Variants in TDRD6 observed in about 807,000 individuals in gnomAD.
TDRD6 encodes tudor domain containing 6, also known as tudor domain-containing protein 6.
TDRD6 carries 186 observed loss-of-function variants against 157.5 expected under a neutral mutation model. The observed-to-expected ratio is 1.18, with a 90% CI of 1.05 to 1.33. The LOEUF (loss-of-function observed/expected upper bound fraction) is 1.33. Ranked by LOEUF, TDRD6 falls within the 40% of genes most tolerant of loss-of-function variation. The probability of loss-of-function intolerance (pLI) is 0.00; values close to 1 mark genes in which losing one functional copy is unlikely to be tolerated. For missense variants in TDRD6, 3,066 were observed against 2,508.0 expected (o/e 1.22, Z -4.75); for synonymous variants, 1,075 against 945.2 (o/e 1.14, Z -2.52).
At position 46,702,749 on chromosome 6, in the gene TDRD6, T is replaced by C. The variant is rs1764654482; in HGVS notation, c.*862T>C. ...TACCTAACTTTGAAGCCCATGACTT[T>C]TTAAACATGATTTTGCAAAGCATAG... is the stretch of plus-strand genomic sequence containing the variant. On this transcript the variant is annotated 3_prime_UTR_variant, in exon 4 of 4. Transcript: ENST00000316081. The C allele has an allele frequency of 6.6e-6, 1 of 152,148 alleles. No individual in the cohort carries two copies. The highest frequency in any genetic ancestry group is 1.5e-5 in the Non-Finnish European group (1 of 67,998). The allele number at this position is 152,148 out of a possible 1,614,324, so 9.4% of individuals were successfully genotyped here.
Position 46,703,586 on chromosome 6 carries a change from G to C in TDRD6, c.*1699G>C, listed in dbSNP as rs1764676347. 6.6e-6 allele frequency: 1 copy of C among 152,040 alleles called. No individual in the cohort carries two copies. The highest frequency in any genetic ancestry group is 2.4e-5 in the African/African-American group (1 of 41,442). 9.4% of individuals were successfully genotyped at this position (152,040 alleles called of 1,614,324 possible). On this transcript the variant is annotated 3_prime_UTR_variant, in exon 4 of 4. Transcript: ENST00000316081. ...AAGATAGGACTAGGGTACCAAATGA[G>C]TGGTATAAATTTTTATGTCCCCTGG...
chr6:46,695,082 A>G (rs1764457218), intron 1 of TDRD6, among the ~76,000 whole-genome samples: 1 of 152,162 alleles, frequency 6.6e-6, no homozygotes, highest in Non-Finnish European at 1.5e-5. Context: ...TTAGCTTTTT[A>G]TAATCAATGC....
the TDRD6 span, among the ~76,000 whole-genome samples, chr6:46,682,510 A>C: frequency 1.3e-4 from 19 of 151,928 alleles, no homozygotes; most frequent in Non-Finnish European, 2.8e-4. Flanking sequence ...AAAGGAAATA[A>C]AAGGCACATA....
rs771037269 is a variant in TDRD6 at position 46,689,630 on chromosome 6, A to C, written c.1502A>C (p.Glu501Ala). ...GTAGAGTTTGTTAAAAATCCTTCTG[A>C]GTTTTGGATTAGGTTGAGGAAACAC... ...AQVEFVKNPS[E>A]FWIRLRKHNV... Residue 501 changes from glutamate (E) to alanine (A), a missense_variant, in exon 1 of 4, where the codon GAG becomes GCG. By Grantham distance (107) the Glu-to-Ala change is moderately radical (BLOSUM62 -1). Transcript: ENST00000316081. The C allele has an allele frequency of 1.9e-6, 3 of 1,614,146 alleles. No individual in the cohort carries two copies. Among genetic ancestry groups the C allele is most frequent in the Non-Finnish European group, 2.5e-6 (3 of 1,180,024 alleles).
At position 46,689,200 on chromosome 6, in the gene TDRD6, A is replaced by T; in HGVS notation, c.1072A>T (p.Ser358Cys). Residue 358 changes from serine (S) to cysteine (C), a missense_variant, in exon 1 of 4, where the codon AGC (serine) becomes TGC (cysteine). By Grantham distance (112) the Ser-to-Cys change is moderately radical. Coordinates refer to ENST00000316081, the MANE Select transcript of TDRD6 (RefSeq NM_001010870.3). ...AAGGAAGGAGTTAGTGAGTTGCAGC[A>T]GCCTTCGGTACTTGCTGCCTGAATA... Reference protein sequence around the residue: ...YGRKELVSCSSLRYLLPEYFR... With the variant: ...YGRKELVSCSCLRYLLPEYFR... The T allele has an allele frequency of 6.2e-7, 1 of 1,614,176 alleles. No individual in the cohort carries two copies. The highest frequency in any genetic ancestry group is 8.5e-7 in the Non-Finnish European group (1 of 1,180,038).
chr6:46,688,696 C>G lies in TDRD6; in HGVS notation c.568C>G (p.Gln190Glu), dbSNP rs1415078039. The G allele has an allele frequency of 1.9e-6, 3 of 1,600,656 alleles. No homozygotes were observed. The highest frequency in any genetic ancestry group is 2.5e-6 in the Non-Finnish European group (3 of 1,179,784). ...CCTGGAGGTGCCTGATGTGTTCCAA[C>G]AGATGCGGGAGCTGGGCCTGGCTCG... The part of the protein sequence containing the change: ...VLLEVPDVFQ[Q>E]MRELGLARRV... The change falls in exon 1 of 4, where the codon CAG becomes GAG. Residue 190 changes from glutamine (Q) to glutamate (E), a missense_variant. Transcript: ENST00000316081.
chr6:46,689,982 C>T lies in TDRD6; in HGVS notation c.1854C>T (p.Ser618=). Residue 618 remains serine, a synonymous_variant, in exon 1 of 4, where the codon TCC becomes TCT. Coordinates refer to ENST00000316081, the MANE Select transcript of TDRD6 (RefSeq NM_001010870.3). ...AAACTTGGAGCCAGGAGGCAGTTTC[C>T]TTTTTTAAAAAGACTGTGCTCCACA... is the stretch of plus-strand genomic sequence containing the variant. ...LGKTWSQEAV[S]FFKKTVLHKE... 1 of 1,613,274 alleles carries T rather than the reference C, an allele frequency of 6.2e-7. No homozygotes were observed. The highest frequency in any genetic ancestry group is 8.5e-7 in the Non-Finnish European group (1 of 1,179,686).
chr6:46,692,016 C>G lies in TDRD6; in HGVS notation c.3888C>G (p.Phe1296Leu). ...DKDLPLKFCE[F>L]PQKTIMPGFK... ...ATTTGCCTCTGAAATTTTGTGAGTT[C>G]CCACAGAAGACTATAATGCCTGGAT... Residue 1296 changes from phenylalanine (F) to leucine (L), a missense_variant, in exon 1 of 4, where the codon TTC becomes TTG. Transcript: ENST00000316081. The G allele has an allele frequency of 6.2e-7, 1 of 1,613,762 alleles. No individual in the cohort carries two copies. Among genetic ancestry groups the G allele is most frequent in the South Asian group, 1.1e-5 (1 of 91,002 alleles).
At chr6:46,699,395 G>A (rs1236315476) in intron 3 of TDRD6, among the ~76,000 whole-genome samples, 2 of 152,108 alleles carry the variant, frequency 1.3e-5, no homozygotes, top group Non-Finnish European at 2.9e-5. Context: ...TCTCACATTT[G>A]TAGGTGCCTA....
At position 46,688,200 on chromosome 6, in the gene TDRD6, T is replaced by A. The variant is rs1022110264; in HGVS notation, c.72T>A (p.His24Gln). 1.3e-6 allele frequency: 2 copies of A among 1,546,966 alleles called. No individual in the cohort carries two copies. The highest frequency in any genetic ancestry group is 1.7e-6 in the Non-Finnish European group (2 of 1,152,712). The change falls in exon 1 of 4, where the codon CAT becomes CAA. Residue 24 changes from histidine to glutamine, a missense_variant. By Grantham distance (24) the His-to-Gln change is conservative (BLOSUM62 0). Coordinates refer to ENST00000316081, the MANE Select transcript of TDRD6 (RefSeq NM_001010870.3). ...LALRVSFVDV[H>Q]PDVIPVQLWG... ...TGCGGGTGTCCTTCGTGGACGTGCA[T>A]CCCGATGTGATCCCGGTGCAGCTGT...
In TDRD6 at chr6:46,687,905, G is replaced by T; in HGVS notation, c.-224G>T. 1 of 595,498 alleles carries T rather than the reference G, an allele frequency of 1.7e-6. No individual in the cohort carries two copies. Among genetic ancestry groups the T allele is most frequent in the Non-Finnish European group, 2.6e-6 (1 of 378,012 alleles). The allele number at this position is 595,498 out of a possible 1,614,324, so 36.9% of individuals were successfully genotyped here. A position where few individuals can be genotyped will look rare whatever the true frequency, so the allele number is the denominator to read the frequency against. On this transcript the variant is annotated 5_prime_UTR_variant, in exon 1 of 4. Transcript: ENST00000316081. The stretch of plus-strand genomic sequence containing the variant: ...AATGCGTGCCCGGAAGCGCGACCTC[G>T]GGCGGTTGGAGGGGCTACCGGGTCT...
Position 46,689,891 on chromosome 6 carries a change from C to T in TDRD6, c.1763C>T (p.Pro588Leu), listed in dbSNP as rs148113896. 4.3e-6 allele frequency: 7 copies of T among 1,614,078 alleles called. No individual in the cohort carries two copies. The African/African-American group carries it at 6.7e-5, about 15-fold the overall frequency. The change falls in exon 1 of 4, where the codon CCT becomes CTT. Residue 588 changes from proline (P) to leucine (L), a missense_variant. Pro to Leu is a moderately conservative substitution (Grantham distance 98). Coordinates refer to ENST00000316081, the MANE Select transcript of TDRD6 (RefSeq NM_001010870.3). ...TGGTATGACGTAAGGATGCTGCTTC[C>T]TCAGTTTAGGCAGCTACCAATATTG... ...VDWYDVRMLLPQFRQLPILAV... is the reference protein window; with the variant it reads ...VDWYDVRMLLLQFRQLPILAV...
rs770462418 is a variant in TDRD6 at position 46,691,526 on chromosome 6, C to T, written c.3398C>T (p.Pro1133Leu). 2.0e-5 allele frequency: 32 copies of T among 1,613,690 alleles called. No individual in the cohort carries two copies. Among genetic ancestry groups the T allele is most frequent in the Admixed American group, 3.3e-5 (2 of 59,986 alleles). ...AAGGCTTTAGTTGTAGCAAAAGATCCAGATGGAACACTGATTATAGAACTA... is the reference window on the plus strand; with the variant it reads ...AAGGCTTTAGTTGTAGCAAAAGATCTAGATGGAACACTGATTATAGAACTA... ...SLKALVVAKD[P>L]DGTLIIELYG... The change falls in exon 1 of 4, where the codon CCA becomes CTA. Residue 1133 changes from proline to leucine, a missense_variant. Physicochemically the swap from Pro to Leu is moderately conservative, Grantham distance 98 (BLOSUM62 -3). Transcript: ENST00000316081.
chr6:46,693,759 A>G lies in TDRD6; in HGVS notation c.5631A>G (p.Pro1877=). ...GELSPVPPNV[P]LSQECVTKGA... ...TAAGCCCGGTGCCACCGAATGTGCCACTCTCCCAAGAGTGTGTCACAAAAG... is the reference window on the plus strand; with the variant it reads ...TAAGCCCGGTGCCACCGAATGTGCCGCTCTCCCAAGAGTGTGTCACAAAAG... The change falls in exon 1 of 4, where the codon CCA becomes CCG. Residue 1877 remains proline (P), a synonymous_variant. Transcript: ENST00000316081. 1 of 1,614,022 alleles carries G rather than the reference A, an allele frequency of 6.2e-7. No individual in the cohort carries two copies. The highest frequency in any genetic ancestry group is 8.5e-7 in the Non-Finnish European group (1 of 1,180,006).
chr6:46,692,808 C>G lies in TDRD6; in HGVS notation c.4680C>G (p.Asp1560Glu). ...AGACTGCTGGAGAACAGGTAGCAGA[C>G]AGGAGAAATTGTATCCCATGTCCTT... ...EVQTAGEQVA[D>E]RRNCIPCPYI... is the part of the protein sequence containing the mutation. The change falls in exon 1 of 4, where the codon GAC (aspartate) becomes GAG (glutamate). Residue 1560 changes from aspartate (D) to glutamate (E), a missense_variant. Physicochemically the swap from Asp to Glu is conservative, Grantham distance 45. Coordinates refer to ENST00000316081, the MANE Select transcript of TDRD6 (RefSeq NM_001010870.3). The G allele has an allele frequency of 3.1e-6, 5 of 1,613,988 alleles. No homozygotes were observed. Among genetic ancestry groups the G allele is most frequent in the Non-Finnish European group, 4.2e-6 (5 of 1,179,976 alleles).
rs574019855 is a variant in TDRD6 at position 46,697,475 on chromosome 6, T to C, written c.6172-523T>C. 5.6e-3 allele frequency among the ~76,000 whole-genome samples: 852 copies of C among 152,338 alleles called. 5 individuals are homozygous for C. Among genetic ancestry groups the C allele is most frequent in the Non-Finnish European group, 8.0e-3 (543 of 68,024 alleles). On this transcript the variant is annotated intron_variant, in intron 2 of 3. Coordinates refer to ENST00000316081, the MANE Select transcript of TDRD6 (RefSeq NM_001010870.3). ...TTTGAACTATTTGATGTTGAAATTTTATCCATCTTTGATCACCAGTCATAG... is the reference window on the plus strand; with the variant it reads ...TTTGAACTATTTGATGTTGAAATTTCATCCATCTTTGATCACCAGTCATAG...
intron 3 of TDRD6, among the ~76,000 whole-genome samples, chr6:46,700,274 A>G (rs918530857): frequency 3.9e-5 from 6 of 152,212 alleles, no homozygotes; most frequent in Middle Eastern, 3.2e-3. Flanking sequence ...TAGGCCAGTT[A>G]GCAGACATAT....
At position 46,692,945 on chromosome 6, in the gene TDRD6, GA is replaced by G; in HGVS notation, c.4820del (p.Asn1607ThrfsTer51). ...YLVSVRLVDF[G>X]NIEDCVDPKA... ...GTATCTGTCAGGCTTGTGGACTTTG[GA>G]AACATTGAAGACTGTGTGGACCCAA... On this transcript the variant is annotated frameshift_variant, in exon 1 of 4. Transcript: ENST00000316081. LOFTEE classifies it high-confidence loss of function. The G allele has an allele frequency of 6.2e-7, 1 of 1,613,906 alleles. No homozygotes were observed. Among genetic ancestry groups the G allele is most frequent in the Non-Finnish European group, 8.5e-7 (1 of 1,179,912 alleles).
intron 2 of TDRD6, 63 bp downstream of exon 2, chr6:46,696,008 A>G (rs1764485337): frequency 6.5e-7 from 1 of 1,536,804 alleles, no homozygotes; most frequent in Admixed American, 2.0e-5. Context: ...AAAGTTTACC[A>G]GACTCTGTCA....
Sources: gnomAD v4.1 joint callset for allele counts (sites outside exome capture counted in the v4.1 genomes callset) on GRCh38, gnomAD v4.1.1 for gene constraint, MANE v1.5 for transcripts, NCBI Gene and HGNC (gene_info 2026-07-23, HGNC 2026-07-21) for gene names.